Variants in NOL4L observed in about 807,000 individuals in gnomAD.
NOL4L encodes the protein nucleolar protein 4-like.
In NOL4L, 7 loss-of-function variants were observed where a neutral mutation model predicts 64.5. That is an observed-to-expected ratio of 0.11 (90% confidence interval 0.06 to 0.20). The LOEUF (loss-of-function observed/expected upper bound fraction) is 0.20. Ranked by LOEUF, NOL4L falls within the 10% of genes least tolerant of loss-of-function variation. The probability of loss-of-function intolerance (pLI) is 1.00; values close to 1 mark genes in which losing one functional copy is unlikely to be tolerated. For missense variants in NOL4L, 680 were observed against 967.1 expected (o/e 0.70, Z 3.94); for synonymous variants, 413 against 401.0 (o/e 1.03, Z -0.36).
intron 1 of NOL4L, chr20:32,536,123 A>G (rs540686205): frequency 2.2e-4 from 212 of 985,618 alleles, no homozygotes; most frequent in Non-Finnish European, 2.2e-4. Context: ...TGGGAACCCA[A>G]ATGATGCACA....
intron 3 of NOL4L, 103 bp from the exon 4 acceptor site, chr20:32,511,559 G>A: frequency 4.0e-6 from 3 of 749,426 alleles, no homozygotes; most frequent in South Asian, 1.8e-5. Flanking sequence ...CCACCTTGGA[G>A]GAGAAGGGAC....
At chr20:32,516,764 G>T (rs373425324) in intron 3 of NOL4L, among the ~76,000 whole-genome samples, 2 of 152,216 alleles carry the variant, frequency 1.3e-5, no homozygotes, top group African/African-American at 4.8e-5. Flanking sequence ...GATGTGGAGG[G>T]GCCAGGCATG....
At chr20:32,494,951 C>A (rs1391989738) in intron 4 of NOL4L, among the ~76,000 whole-genome samples, 1 of 148,004 alleles carries the variant, frequency 6.8e-6, no homozygotes, top group African/African-American at 2.7e-5. Context: ...CACATGGCTC[C>A]TGTCCGCGGG....
chr20:32,520,469 G>A (rs2017886950), intron 3 of NOL4L, among the ~76,000 whole-genome samples: 1 of 152,154 alleles, frequency 6.6e-6, no homozygotes, highest in Non-Finnish European at 1.5e-5. Context: ...GAGAAGCAGT[G>A]GGAGGCATGG....
chr20:32,537,098 G>A (rs975246250), intron 1 of NOL4L: 2 of 985,176 alleles, frequency 2.0e-6, no homozygotes, highest in Non-Finnish European at 2.4e-6. Flanking sequence ...CTTTGTGCAG[G>A]GCGGTACCAT....
intron 1 of NOL4L, among the ~76,000 whole-genome samples, chr20:32,556,096 A>T (rs1175019210): frequency 6.6e-6 from 1 of 152,196 alleles, no homozygotes; most frequent in Non-Finnish European, 1.5e-5. Flanking sequence ...CCAGGTGCAT[A>T]GTAGGCCCCC....
At chr20:32,528,207 G>T (rs1375469186) in intron 1 of NOL4L, among the ~76,000 whole-genome samples, 1 of 152,238 alleles carries the variant, frequency 6.6e-6, no homozygotes, top group East Asian at 1.9e-4. Context: ...GCCAGACTCG[G>T]GCGGGGAGCT....
At position 32,443,101 on chromosome 20, in the gene NOL4L, T is replaced by C. The variant is rs1600602181; in HGVS notation, c.*4495A>G. On this transcript the variant is annotated 3_prime_UTR_variant, in exon 11 of 11. Coordinates refer to ENST00000621426, the MANE Select transcript of NOL4L (RefSeq NM_001256798.2). ...TGTTTATTAAGTAGATTCAGTCTTA[T>C]ATATGATATACAGATTCAAAAGGAA... 1 of 152,232 alleles carries C rather than the reference T, an allele frequency of 6.6e-6. No homozygotes were observed. Among genetic ancestry groups the C allele is most frequent in the African/African-American group, 2.4e-5 (1 of 41,462 alleles). The allele number at this position is 152,232 out of a possible 1,614,324, so 9.4% of individuals were successfully genotyped here.
At chr20:32,510,041 A>C in intron 4 of NOL4L, 1 of 947,428 alleles carries the variant, frequency 1.1e-6, no homozygotes, top group Non-Finnish European at 1.5e-6. Flanking sequence ...CCAACAACAA[A>C]AGCAACACCC....
At chr20:32,454,723 G>T (rs2145432671) in intron 6 of NOL4L, among the ~76,000 whole-genome samples, 1 of 152,380 alleles carries the variant, frequency 6.6e-6, no homozygotes, top group Admixed American at 6.5e-5. Flanking sequence ...ACAGTAGCCT[G>T]GGGACACTGT....
intron 1 of NOL4L, chr20:32,582,134 G>A (rs1250172192): frequency 3.9e-5 from 6 of 152,298 alleles, no homozygotes; most frequent in East Asian, 1.9e-4. Flanking sequence ...GGTAACTGAC[G>A]GGCTCTCGGG....
In NOL4L at chr20:32,577,841, T is replaced by C. The variant is rs1980210083; in HGVS notation, c.321+6729A>G. Among the ~76,000 whole-genome samples, 3 of 152,208 alleles carry C rather than the reference T, an allele frequency of 2.0e-5. No homozygotes were observed. In the South Asian group the frequency reaches 6.2e-4, roughly 32 times the overall value. On this transcript the variant is annotated intron_variant, in intron 1 of 10. Coordinates refer to ENST00000621426, the MANE Select transcript of NOL4L (RefSeq NM_001256798.2). ...CGGGGACTTGGCTGGGTGCCTCGTC[T>C]CCACTGTACCATTTAATATTCACAA...
At chr20:32,458,584 G>A (rs1036493230) in intron 5 of NOL4L, among the ~76,000 whole-genome samples, 2 of 152,200 alleles carry the variant, frequency 1.3e-5, no homozygotes, top group Non-Finnish European at 2.9e-5. Context: ...GGTTACCCAC[G>A]CTCCCATGAG....
intron 1 of NOL4L, among the ~76,000 whole-genome samples, chr20:32,528,362 G>A (rs774571332): frequency 6.6e-6 from 1 of 152,214 alleles, no homozygotes; most frequent in Admixed American, 6.5e-5. Context: ...GAACAGCTCC[G>A]ATCACCTGGG....
intron 1 of NOL4L, chr20:32,537,187 A>G (rs563748478): frequency 1.1e-6 from 1 of 886,570 alleles, no homozygotes; most frequent in East Asian, 1.2e-4. Flanking sequence ...CGTAGTCCTC[A>G]CAGACCCTCC....
At chr20:32,574,727 C>T (rs1203627456) in intron 1 of NOL4L, among the ~76,000 whole-genome samples, 1 of 152,112 alleles carries the variant, frequency 6.6e-6, no homozygotes, top group Non-Finnish European at 1.5e-5. Context: ...GGGGAGGGCT[C>T]CAAGCTGGAG....
intron 4 of NOL4L, among the ~76,000 whole-genome samples, chr20:32,484,724 G>A (rs2145502759): frequency 6.6e-6 from 1 of 152,216 alleles, no homozygotes; most frequent in African/African-American, 2.4e-5. Context: ...CGCACTGTCC[G>A]TGGAGACGGC....
At chr20:32,584,436 C>T in intron 1 of NOL4L, 134 bp downstream of exon 1, 1 of 724,306 alleles carries the variant, frequency 1.4e-6, no homozygotes, top group Non-Finnish European at 1.9e-6. Context: ...ACGCGTGCGC[C>T]TCCGGCGGGC....
intron 1 of NOL4L, among the ~76,000 whole-genome samples, chr20:32,539,321 T>C (rs913034810): frequency 2.0e-5 from 3 of 152,204 alleles, no homozygotes; most frequent in Admixed American, 1.3e-4. Context: ...ACTGGGTGTC[T>C]GTTTTAGAAC....
Sources: gnomAD v4.1 joint callset for allele counts (sites outside exome capture counted in the v4.1 genomes callset) on GRCh38, gnomAD v4.1.1 for gene constraint, MANE v1.5 for transcripts, NCBI Gene and HGNC (gene_info 2026-07-23, HGNC 2026-07-21) for gene names.